The following HYCC2 variants were observed in gnomAD, a reference collection of about 807,000 sequenced individuals.
HYCC2 encodes hyccin PI4KA lipid kinase complex subunit 2.
At chr2:201,061,638 T>C in the HYCC2 span, among the ~76,000 whole-genome samples, 1 of 151,596 alleles carries the variant, frequency 6.6e-6, no homozygotes, top group South Asian at 2.1e-4. Context: ...TTTTTTTTTT[T>C]TTATTTTTAT....
chr2:201,056,396 CG>C, the HYCC2 span, among the ~76,000 whole-genome samples: 1 of 151,596 alleles, frequency 6.6e-6, no homozygotes, highest in Admixed American at 6.6e-5. Context: ...CTCTGCCAGC[CG>C]GGCGCAGTGG....
At chr2:201,005,620 G>A in the HYCC2 span, among the ~76,000 whole-genome samples, 1 of 152,172 alleles carries the variant, frequency 6.6e-6, no homozygotes, top group African/African-American at 2.4e-5. Context: ...TCGCCTAGTT[G>A]TGATAGCACA....
the HYCC2 span, among the ~76,000 whole-genome samples, chr2:201,018,327 A>G: frequency 6.6e-6 from 1 of 152,286 alleles, no homozygotes; most frequent in Admixed American, 6.5e-5. Context: ...ACTATAAAGT[A>G]ATTTTTAAAG....
At chr2:201,033,200 A>T in the HYCC2 span, among the ~76,000 whole-genome samples, 515 of 136,754 alleles carry the variant, frequency 3.8e-3, 2 homozygotes, top group African/African-American at 0.013. Flanking sequence ...TGTGTGTGAG[A>T]GAGAGAGAGA....
chr2:201,045,978 CACAA>C, the HYCC2 span, among the ~76,000 whole-genome samples: 1 of 152,080 alleles, frequency 6.6e-6, no homozygotes, highest in African/African-American at 2.4e-5. Context: ...TACACAGACA[CACAA>C]ACACACAATC....
At chr2:200,991,332 G>A in the HYCC2 span, among the ~76,000 whole-genome samples, 1 of 152,130 alleles carries the variant, frequency 6.6e-6, no homozygotes, top group African/African-American at 2.4e-5. Context: ...TCGCTTGGGA[G>A]GCCGAGGTGG....
At chr2:200,988,428 T>C in the HYCC2 span, 2 of 1,609,052 alleles carry the variant, frequency 1.2e-6, no homozygotes, top group Non-Finnish European at 1.7e-6. Flanking sequence ...CAACCTACAA[T>C]GATAATATAA....
the HYCC2 span, among the ~76,000 whole-genome samples, chr2:200,991,050 GT>G: frequency 5.3e-5 from 8 of 152,158 alleles, no homozygotes; most frequent in South Asian, 2.1e-4. Context: ...TTGGAGATTT[GT>G]TTATTTTGTG....
the HYCC2 span, among the ~76,000 whole-genome samples, chr2:200,999,941 CCA>C: frequency 6.7e-6 from 1 of 150,320 alleles, no homozygotes; most frequent in East Asian, 2.0e-4. Context: ...GCCTGTAGTC[CCA>C]GTTACTCGGG....
the HYCC2 span, among the ~76,000 whole-genome samples, chr2:201,014,540 C>A: frequency 3.3e-5 from 5 of 152,120 alleles, no homozygotes; most frequent in Non-Finnish European, 7.4e-5. Context: ...GATGAGGCAA[C>A]TGAAGTCAAG....
the HYCC2 span, among the ~76,000 whole-genome samples, chr2:200,988,971 C>T: frequency 3.9e-5 from 6 of 152,222 alleles, no homozygotes; most frequent in Non-Finnish European, 8.8e-5. Context: ...TCCACTTGGA[C>T]AAGCCCATGT....
At chr2:201,056,045 G>A in the HYCC2 span, among the ~76,000 whole-genome samples, 7 of 152,040 alleles carry the variant, frequency 4.6e-5, no homozygotes, top group Admixed American at 6.5e-5. Flanking sequence ...AAAATTAGCC[G>A]GGGTGGTGGC....
chr2:201,003,948 G>C, the HYCC2 span, among the ~76,000 whole-genome samples: 1 of 151,428 alleles, frequency 6.6e-6, no homozygotes, highest in South Asian at 2.1e-4. Flanking sequence ...CGAGTAGCTA[G>C]GATTACAGGT....
chr2:201,019,675 T>C, the HYCC2 span, among the ~76,000 whole-genome samples: 1 of 151,980 alleles, frequency 6.6e-6, no homozygotes, highest in African/African-American at 2.4e-5. Context: ...AAGAATTGCT[T>C]GAGCCCAGGA....
At chr2:201,037,795 G>T in the HYCC2 span, among the ~76,000 whole-genome samples, 1 of 152,086 alleles carries the variant, frequency 6.6e-6, no homozygotes, top group African/African-American at 2.4e-5. Flanking sequence ...AACCCTAGAA[G>T]AAAACCTAGG....
the HYCC2 span, among the ~76,000 whole-genome samples, chr2:200,999,680 G>A: frequency 4.8e-5 from 7 of 146,326 alleles, no homozygotes; most frequent in Non-Finnish European, 1.0e-4. Context: ...GTGAGCCACC[G>A]CACCCAGCCT....
At chr2:201,063,620 A>G in the HYCC2 span, 2 of 1,579,808 alleles carry the variant, frequency 1.3e-6, no homozygotes, top group Non-Finnish European at 1.7e-6. Flanking sequence ...CTGTGAAGTT[A>G]GAAAAGCCCT....
chr2:201,014,159 G>A, the HYCC2 span, among the ~76,000 whole-genome samples: 1 of 152,144 alleles, frequency 6.6e-6, no homozygotes, highest in Non-Finnish European at 1.5e-5. Flanking sequence ...ATGACACTTT[G>A]CAAAATGTTT....
At chr2:201,015,277 A>G in the HYCC2 span, among the ~76,000 whole-genome samples, 1 of 152,160 alleles carries the variant, frequency 6.6e-6, no homozygotes, top group African/African-American at 2.4e-5. Flanking sequence ...TGCTTCCTAC[A>G]GTCTTTGTAA....
Sources: gnomAD v4.1 joint callset for allele counts (sites outside exome capture counted in the v4.1 genomes callset) on GRCh38, gnomAD v4.1.1 for gene constraint, MANE v1.5 for transcripts, NCBI Gene and HGNC (gene_info 2026-07-23, HGNC 2026-07-21) for gene names.